The following TIA1 variants were observed in gnomAD, a reference collection of about 807,000 sequenced individuals.
The protein encoded by TIA1 is TIA1 cytotoxic granule associated RNA binding protein.
Under a neutral mutation model 65.9 loss-of-function variants are expected in TIA1, and 23 were observed. The ratio of observed to expected loss-of-function variants is 0.35; its 90% CI spans 0.25 to 0.49. The LOEUF is 0.49. Among genes scored for constraint, TIA1 ranks in the 20% least tolerant of loss-of-function variants. The pLI, the probability that TIA1 is intolerant of heterozygous loss-of-function variation, is 0.98. For missense variants in TIA1, 371 were observed against 477.9 expected, an observed-to-expected ratio of 0.78 and a Z score of 2.09; for synonymous variants, 147 against 149.4, an observed-to-expected ratio of 0.98 and a Z score of 0.12.
At chr2:70,233,249 G>C (rs1687314618) in intron 2 of TIA1, among the ~76,000 whole-genome samples, 3 of 152,144 alleles carry the variant, frequency 2.0e-5, no homozygotes, top group Admixed American at 2.0e-4. Context: ...GGGATTACAG[G>C]CATCAGTCAC....
chr2:70,237,978 G>A lies in TIA1; in HGVS notation c.27-1803C>T, dbSNP rs898006162. Reference sequence around the variant, plus strand: ...AGATCAAGACCATCCTGGCTAACACGATGAAACCTCGTCTCTAATAAAAAT... The same window carrying A: ...AGATCAAGACCATCCTGGCTAACACAATGAAACCTCGTCTCTAATAAAAAT... On this transcript the variant is annotated intron_variant, in intron 1 of 12. Transcript: ENST00000433529. 4.0e-5 allele frequency among the ~76,000 whole-genome samples: 6 copies of A among 151,774 alleles called. No individual in the cohort carries two copies. The South Asian group carries it at 1.0e-3, about 26-fold the overall frequency.
intron 1 of TIA1, among the ~76,000 whole-genome samples, chr2:70,237,848 G>T (rs779683068): frequency 6.7e-6 from 1 of 149,210 alleles, no homozygotes; most frequent in Admixed American, 6.7e-5. Flanking sequence ...CCTGGGTGAC[G>T]GAGCAAGACT....
chr2:70,231,934 G>A (rs1336004725), intron 2 of TIA1, among the ~76,000 whole-genome samples: 1 of 152,072 alleles, frequency 6.6e-6, no homozygotes, highest in East Asian at 1.9e-4. Context: ...CAGGCGCAGT[G>A]GCTCATGCCT....
At chr2:70,232,240 GA>G (rs1296455805) in intron 2 of TIA1, among the ~76,000 whole-genome samples, 13 of 135,954 alleles carry the variant, frequency 9.6e-5, no homozygotes, top group Admixed American at 8.9e-4. Flanking sequence ...AAAGAAAAAA[GA>G]AAAAAAATTA....
chr2:70,216,858 A>G, intron 8 of TIA1, 28 bp downstream of exon 8: 1 of 1,613,872 alleles, frequency 6.2e-7, no homozygotes, highest in Non-Finnish European at 8.5e-7. Context: ...AAAATTCCAC[A>G]TTTCCTTTTC....
chr2:70,233,724 C>T (rs1687557469), intron 2 of TIA1, among the ~76,000 whole-genome samples: 1 of 151,074 alleles, frequency 6.6e-6, no homozygotes, highest in Non-Finnish European at 1.5e-5. Context: ...TGAGATCATG[C>T]CATTGCACTC....
chr2:70,234,146 T>A (rs1347323330), intron 2 of TIA1, among the ~76,000 whole-genome samples: 4 of 152,228 alleles, frequency 2.6e-5, no homozygotes. Flanking sequence ...AGAGAAGATT[T>A]ATATTCGGAT....
In TIA1 at chr2:70,216,650, T is replaced by C. The variant is rs1573217500; in HGVS notation, c.584-151A>G. The C allele has an allele frequency of 6.7e-6, 9 of 1,343,910 alleles. No individual in the cohort carries two copies. The East Asian group carries it at 1.8e-4, about 26-fold the overall frequency. The allele number at this position is 1,343,910 out of a possible 1,614,324, so 83.2% of individuals were successfully genotyped here. On this transcript the variant is annotated intron_variant, in intron 8 of 12. Transcript: ENST00000433529. ...TTATACTTCAGTTCAGAATTAAACC[T>C]CCCCCACGAATGTCTAAAAAATTAC... is the stretch of plus-strand genomic sequence containing the variant.
At chr2:70,224,698 A>G (rs958734804) in intron 6 of TIA1, 69 bp from the exon 7 acceptor site, 6 of 1,578,220 alleles carry the variant, frequency 3.8e-6, no homozygotes, top group Non-Finnish European at 4.3e-6. Flanking sequence ...AGAATTTCAC[A>G]CACAACTCAT....
At chr2:70,228,870 C>T in intron 5 of TIA1, 189 bp downstream of exon 5, 2 of 1,441,414 alleles carry the variant, frequency 1.4e-6, no homozygotes, top group Non-Finnish European at 1.8e-6. Context: ...AAAGCTTGAA[C>T]TAGCACCAAA....
chr2:70,228,419 T>TA, intron 5 of TIA1: 1 of 1,288,314 alleles, frequency 7.8e-7, no homozygotes, highest in Non-Finnish European at 1.0e-6. Flanking sequence ...GCCCAGACAT[T>TA]ACACCATTCA....
chr2:70,236,199 T>A, intron 1 of TIA1, 24 bp from the exon 2 acceptor site: 1 of 1,483,968 alleles, frequency 6.7e-7, no homozygotes, highest in Non-Finnish European at 9.3e-7. Context: ...AGAAACAATT[T>A]ACCTTTTTTT....
chr2:70,212,893 T>TA, intron 12 of TIA1, 48 bp from the exon 13 acceptor site: 1 of 1,264,072 alleles, frequency 7.9e-7, no homozygotes, highest in East Asian at 2.3e-5. Flanking sequence ...ATCCACTGAT[T>TA]AAAATAAAGT....
chr2:70,214,473 G>T lies in TIA1; in HGVS notation c.910C>A (p.Gln304Lys). 1 of 1,611,862 alleles carries T rather than the reference G, an allele frequency of 6.2e-7. No individual in the cohort carries two copies. ...VQQQNQIGYPQPYGQWGQWYG... is the reference protein window; with the variant it reads ...VQQQNQIGYPKPYGQWGQWYG... Reference sequence around the variant, plus strand: ...CACTGGCCCCACTGGCCATAAGGTTGGGGATATCCAATTTGATTCTGCTAT... The same window carrying T: ...CACTGGCCCCACTGGCCATAAGGTTTGGGATATCCAATTTGATTCTGCTAT... The change falls in exon 12 of 13, where the codon CAA becomes AAA. Residue 304 changes from glutamine to lysine, a missense_variant. By Grantham distance (53) the Gln-to-Lys change is moderately conservative. Coordinates refer to ENST00000433529, the MANE Select transcript of TIA1 (RefSeq NM_022173.4).
In TIA1 at chr2:70,214,492, C is replaced by T; in HGVS notation, c.891G>A (p.Gln297=). ...TLDMINPVQQ[Q]NQIGYPQPYG... ...AAGGTTGGGGATATCCAATTTGATT[C>T]TGCTATTAAATAAAATTTAGTATTA... Residue 297 remains glutamine, a splice_region_variant and synonymous_variant, in exon 12 of 13, where the codon CAG becomes CAA. Coordinates refer to ENST00000433529, the MANE Select transcript of TIA1 (RefSeq NM_022173.4). 1 of 1,607,578 alleles carries T rather than the reference C, an allele frequency of 6.2e-7. No homozygotes were observed. Among genetic ancestry groups the T allele is most frequent in the Non-Finnish European group, 8.5e-7 (1 of 1,177,868 alleles).
At chr2:70,246,182 C>A (rs1573890319) in intron 1 of TIA1, among the ~76,000 whole-genome samples, 1 of 152,182 alleles carries the variant, frequency 6.6e-6, no homozygotes, top group Admixed American at 6.5e-5. Flanking sequence ...CCTCAGCCCC[C>A]CAAAGTGTTA....
chr2:70,242,364 C>T (rs1040138170), intron 1 of TIA1, among the ~76,000 whole-genome samples: 3 of 151,588 alleles, frequency 2.0e-5, no homozygotes, highest in African/African-American at 7.3e-5. Context: ...AAACTTGCCT[C>T]TACTAAAAAC....
At chr2:70,237,816 C>T (rs564154248) in intron 1 of TIA1, among the ~76,000 whole-genome samples, 7 of 148,900 alleles carry the variant, frequency 4.7e-5, no homozygotes, top group South Asian at 2.1e-4. Flanking sequence ...CAACGAGCCC[C>T]GATCACGCCA....
intron 1 of TIA1, among the ~76,000 whole-genome samples, chr2:70,245,007 G>C (rs1693657863): frequency 6.6e-6 from 1 of 151,922 alleles, no homozygotes. Context: ...AATTAATTGG[G>C]CTCCGTCTTG....
Sources: allele counts gnomAD v4.1 joint callset (sites outside exome capture counted in the v4.1 genomes callset), GRCh38; gene constraint gnomAD v4.1.1; transcripts MANE v1.5; gene names NCBI Gene and HGNC (gene_info 2026-07-23, HGNC 2026-07-21).